Variants in MED14 observed in about 807,000 individuals in gnomAD.
The protein encoded by MED14 is mediator complex subunit 14.
A neutral mutation model predicts 109.0 loss-of-function variants in MED14; 8 were observed. The ratio of observed to expected loss-of-function variants is 0.07; its 90% CI spans 0.04 to 0.13. The LOEUF (loss-of-function observed/expected upper bound fraction) is 0.13. Among genes scored for constraint, MED14 ranks in the 10% least tolerant of loss-of-function variants. The pLI, the probability that MED14 is intolerant of heterozygous loss-of-function variation, is 1.00. For synonymous variants in MED14, 399 were observed against 408.7 expected, an observed-to-expected ratio of 0.98 and a Z score of 0.29; for missense variants, 711 against 1,142.4, an observed-to-expected ratio of 0.62 and a Z score of 5.44.
intron 23 of MED14, among the ~76,000 whole-genome samples, chrX:40,668,364 C>G (rs968889589): frequency 4.1e-5 from 3 of 72,905 alleles, no homozygotes; most frequent in African/African-American, 1.7e-4. Context: ...GCCTGTACGA[C>G]AGAGCAAGAC....
intron 1 of MED14, among the ~76,000 whole-genome samples, chrX:40,731,683 G>C (rs760601267): frequency 2.7e-5 from 3 of 112,113 alleles, no homozygotes; most frequent in Non-Finnish European, 3.8e-5. Flanking sequence ...CAGTGTACTT[G>C]TGATATCCAT....
chrX:40,688,109 C>T (rs1459817591), intron 16 of MED14, among the ~76,000 whole-genome samples: 2 of 110,840 alleles, frequency 1.8e-5, no homozygotes, highest in Non-Finnish European at 1.9e-5. Flanking sequence ...CCCAGCTACT[C>T]GGGAGGTTGA....
At chrX:40,661,810 CT>C (rs1314745526) in intron 26 of MED14, among the ~76,000 whole-genome samples, 5 of 107,068 alleles carry the variant, frequency 4.7e-5, no homozygotes, top group Admixed American at 1.0e-4. Flanking sequence ...CTCTTTTCTT[CT>C]TTTTTTTTTA....
At chrX:40,727,152 T>C (rs1931922099) in intron 2 of MED14, among the ~76,000 whole-genome samples, 1 of 112,308 alleles carries the variant, frequency 8.9e-6, no homozygotes, top group Admixed American at 9.4e-5. Flanking sequence ...ATTCAGTATA[T>C]GGTGGTAGAA....
chrX:40,705,982 G>GA (rs1350711220), intron 10 of MED14, among the ~76,000 whole-genome samples: 2 of 111,045 alleles, frequency 1.8e-5, no homozygotes, highest in Non-Finnish European at 3.8e-5. Flanking sequence ...CTACCCCCAC[G>GA]AAACCACATG....
At chrX:40,726,245 C>A (rs934081398) in intron 3 of MED14, among the ~76,000 whole-genome samples, 8 of 110,657 alleles carry the variant, frequency 7.2e-5, no homozygotes, top group Middle Eastern at 4.6e-3. Flanking sequence ...GTGCCCTATA[C>A]CCTGTGCTTA....
intron 3 of MED14, among the ~76,000 whole-genome samples, chrX:40,719,132 C>A (rs985262248): frequency 2.0e-4 from 22 of 112,012 alleles, no homozygotes; most frequent in Non-Finnish European, 1.3e-4. Flanking sequence ...ACTAGGATGG[C>A]TAGACTCAAA....
chrX:40,722,498 A>G lies in MED14; in HGVS notation c.348+4248T>C, dbSNP rs145819524. Among the ~76,000 whole-genome samples, 951 of 111,811 alleles carry G rather than the reference A, an allele frequency of 8.5e-3. 7 individuals are homozygous for G. Among genetic ancestry groups the G allele is most frequent in the African/African-American group, 0.029 (892 of 30,766 alleles). On this transcript the variant is annotated intron_variant, in intron 3 of 30. Coordinates refer to ENST00000324817, the MANE Select transcript of MED14 (RefSeq NM_004229.4). ...AAACAGCCTCAAAAGAACAAATCTC[A>G]GAGTTACTGGCCTTAGAGAGGAGGC...
At chrX:40,708,732 T>C (rs183627254) in intron 10 of MED14, among the ~76,000 whole-genome samples, 1 of 111,925 alleles carries the variant, frequency 8.9e-6, no homozygotes, top group Non-Finnish European at 1.9e-5. Flanking sequence ...ATATACTTAC[T>C]AGGTAATTAA....
chrX:40,723,628 T>C (rs1159076443), intron 3 of MED14, among the ~76,000 whole-genome samples: 1 of 81,775 alleles, frequency 1.2e-5, no homozygotes, highest in Non-Finnish European at 2.1e-5. Flanking sequence ...ACTGCGCCAC[T>C]GCACTCCAGC....
chrX:40,706,808 T>G (rs1289081413), intron 10 of MED14, among the ~76,000 whole-genome samples: 1 of 111,600 alleles, frequency 9.0e-6, no homozygotes, highest in Non-Finnish European at 1.9e-5. Flanking sequence ...TACTAAGTTT[T>G]TGTTCTGTTT....
intron 16 of MED14, among the ~76,000 whole-genome samples, chrX:40,686,968 CT>C (rs11291362): frequency 0.37 from 40,634 of 109,970 alleles, 8,223 homozygotes; most frequent in African/African-American, 0.78. Flanking sequence ...TCCATTAGAA[CT>C]TAAGCCCTAT....
At chrX:40,672,272 T>G (rs1205823170) in intron 22 of MED14, among the ~76,000 whole-genome samples, 2 of 112,515 alleles carry the variant, frequency 1.8e-5, no homozygotes, top group Admixed American at 1.9e-4. Context: ...TTTATCTCTA[T>G]TATTTATCTA....
chrX:40,735,386 G>A lies in MED14; in HGVS notation c.27C>T (p.His9=), dbSNP rs1388157447. The A allele has an allele frequency of 2.8e-6, 3 of 1,077,281 alleles. No homozygotes were observed. 88.8% of individuals were successfully genotyped at this position (1,077,281 alleles called of 1,213,427 possible). A position where few individuals can be genotyped will look rare whatever the true frequency, so the allele number is the denominator to read the frequency against. MAPVQLEN[H]QLVPPGGGGG... ...CGCCGCCTCCGGGCGGGACCAGCTG[G>A]TGGTTCTCCAGCTGCACTGGGGCCA... The change falls in exon 1 of 31, where the codon CAC becomes CAT. Residue 9 remains histidine (H), a synonymous_variant. Coordinates refer to ENST00000324817, the MANE Select transcript of MED14 (RefSeq NM_004229.4).
At chrX:40,662,141 T>C (rs967134092) in intron 26 of MED14, among the ~76,000 whole-genome samples, 9 of 112,068 alleles carry the variant, frequency 8.0e-5, no homozygotes, top group Non-Finnish European at 1.7e-4. Flanking sequence ...GCTGGGATTA[T>C]AGGCGTGAGC....
In MED14 at chrX:40,682,830, T is replaced by C; in HGVS notation, c.2218+6A>G. 1 of 1,208,641 alleles carries C rather than the reference T, an allele frequency of 8.3e-7. No individual in the cohort carries two copies. The highest frequency in any genetic ancestry group is 3.0e-5 in the East Asian group (1 of 33,787). On this transcript the variant is annotated splice_donor_region_variant and intron_variant, in intron 17 of 30. Transcript: ENST00000324817. ...ATGCAAAGACAAAATGTGTGAAACA[T>C]CTCACCTTGCTCCCTAGTAGAAGTG...
Position 40,692,987 on chromosome X carries a change from A to G in MED14, c.1651-85T>C, listed in dbSNP as rs1364546530. 4.5e-6 allele frequency: 3 copies of G among 670,443 alleles called. No individual in the cohort carries two copies. In the Admixed American group the frequency reaches 1.7e-4, roughly 38 times the overall value. 55.3% of individuals were successfully genotyped at this position (670,443 alleles called of 1,213,427 possible). ...CGTACATCATCAAGTAAGGCTCAGAATTATAAATCTAATGTAGATGTCTTA... is the reference window on the plus strand; with the variant it reads ...CGTACATCATCAAGTAAGGCTCAGAGTTATAAATCTAATGTAGATGTCTTA... On this transcript the variant is annotated intron_variant, in intron 13 of 30. Transcript: ENST00000324817.
chrX:40,705,849 C>A (rs1931121502), intron 10 of MED14, among the ~76,000 whole-genome samples: 1 of 111,403 alleles, frequency 9.0e-6, no homozygotes, highest in African/African-American at 3.3e-5. Context: ...GGGAGCAGCA[C>A]CCTGGCTTTC....
At position 40,692,251 on chromosome X, in the gene MED14, T is replaced by C. The variant is rs1263867852; in HGVS notation, c.1912A>G (p.Asn638Asp). The C allele has an allele frequency of 8.3e-7, 1 of 1,202,241 alleles. No individual in the cohort carries two copies. Among genetic ancestry groups the C allele is most frequent in the East Asian group, 3.0e-5 (1 of 33,797 alleles). ...GCGACGAAGTGGGCTAAAACTTTAT[T>C]GAAGGCACACATTTCTCCTGCTCGT... ...TKRAGEMCAF[N>D]KVLAHFVAMC... is the part of the protein sequence containing the mutation. The change falls in exon 15 of 31, where the codon AAT (asparagine) becomes GAT (aspartate). Residue 638 changes from asparagine to aspartate, a missense_variant. Transcript: ENST00000324817.
Sources: gnomAD v4.1 joint callset for allele counts (sites outside exome capture counted in the v4.1 genomes callset) on GRCh38, gnomAD v4.1.1 for gene constraint, MANE v1.5 for transcripts, NCBI Gene and HGNC (gene_info 2026-07-23, HGNC 2026-07-21) for gene names.